SHPRH: variants seen among roughly 807,000 people sequenced by gnomAD.
SHPRH encodes SNF2 histone linker PHD RING helicase, also known as E3 ubiquitin-protein ligase SHPRH.
In SHPRH, 106 loss-of-function variants were observed where a neutral mutation model predicts 202.5. The ratio of observed to expected loss-of-function variants is 0.52; its 90% confidence interval spans 0.45 to 0.62. The LOEUF is 0.62. SHPRH is among the 20% of genes least tolerant of loss of function. SHPRH has a pLI of 0.00. For missense variants in SHPRH, 1,710 were observed against 2,020.0 expected (o/e 0.85, Z 2.94); for synonymous variants, 729 against 686.0 (o/e 1.06, Z -0.98).
intron 2 of SHPRH, among the ~76,000 whole-genome samples, chr6:145,878,444 T>C (rs1780402051): frequency 6.6e-6 from 1 of 152,224 alleles, no homozygotes; most frequent in South Asian, 2.1e-4. Flanking sequence ...CCGTTTTGTT[T>C]ATTCATTCCT....
At chr6:145,956,244 A>C (rs1788498531) in intron 1 of SHPRH, among the ~76,000 whole-genome samples, 1 of 152,154 alleles carries the variant, frequency 6.6e-6, no homozygotes, top group Non-Finnish European at 1.5e-5. Context: ...GGATACAAAA[A>C]ACTTTTTGAA....
rs756714086 is a variant in SHPRH at position 145,888,120 on chromosome 6, T to C, written c.4875-20A>G. On this transcript the variant is annotated intron_variant, in intron 28 of 29. Transcript: ENST00000275233. Reference sequence around the variant, plus strand: ...GTAGGTCTAAAAGGTACAGAAGAATTTTAAGCTTAAAAACATAGTAAAACA... The same window carrying C: ...GTAGGTCTAAAAGGTACAGAAGAATCTTAAGCTTAAAAACATAGTAAAACA... The C allele has an allele frequency of 1.3e-6, 2 of 1,559,858 alleles. No homozygotes were observed. Among genetic ancestry groups the C allele is most frequent in the Non-Finnish European group, 1.8e-6 (2 of 1,134,376 alleles).
At chr6:145,933,443 AC>A (rs1785690254) in intron 13 of SHPRH, among the ~76,000 whole-genome samples, 1 of 152,190 alleles carries the variant, frequency 6.6e-6, no homozygotes, top group African/African-American at 2.4e-5. Flanking sequence ...GTACAGCATG[AC>A]ATATTTGAAA....
chr6:145,913,784 G>A (rs1455228092), intron 23 of SHPRH, among the ~76,000 whole-genome samples: 1 of 152,038 alleles, frequency 6.6e-6, no homozygotes, highest in Non-Finnish European at 1.5e-5. Context: ...TAATCACACA[G>A]GTTGAATATC....
intron 2 of SHPRH, among the ~76,000 whole-genome samples, chr6:145,953,406 G>A (rs865821010): frequency 1.3e-5 from 2 of 152,062 alleles, no homozygotes; most frequent in African/African-American, 4.8e-5. Flanking sequence ...TGTAGGGAAC[G>A]TAGATAGAAC....
At chr6:145,873,176 TTAAAA>T (rs1407421011) in intron 2 of SHPRH, among the ~76,000 whole-genome samples, 1 of 151,966 alleles carries the variant, frequency 6.6e-6, no homozygotes, top group East Asian at 1.9e-4. Context: ...ATCCCTGAAC[TTAAAA>T]TAAAAGTTGG....
At chr6:145,873,339 G>T (rs1780141659) in intron 2 of SHPRH, among the ~76,000 whole-genome samples, 4 of 152,052 alleles carry the variant, frequency 2.6e-5, no homozygotes. Flanking sequence ...AAGGTACTAG[G>T]ATGACTCTAG....
In SHPRH at chr6:145,875,652, C is replaced by A. The variant is rs1038358775; in HGVS notation, c.222-11161G>T. On this transcript the variant is annotated intron_variant, in intron 2 of 2. Coordinates refer to the SHPRH transcript ENST00000417762. The stretch of plus-strand genomic sequence containing the variant: ...CAAGTGTGCCAGATTAGACCTTCAC[C>A]CAAGAACGTCATGAGGGTTAATGAG... 2.6e-5 allele frequency among the ~76,000 whole-genome samples: 4 copies of A among 152,182 alleles called. No homozygotes were observed. In the South Asian group the frequency reaches 6.2e-4, roughly 24 times the overall value.
chr6:145,870,702 AAG>A (rs1780021303), intron 2 of SHPRH, among the ~76,000 whole-genome samples: 1 of 152,174 alleles, frequency 6.6e-6, no homozygotes, highest in African/African-American at 2.4e-5. Flanking sequence ...AAGGACTGGT[AAG>A]AGGGAGTATC....
At chr6:145,860,479 T>C (rs1175471934), downstream of SHPRH, among the ~76,000 whole-genome samples, 2 of 151,854 alleles carry the variant, frequency 1.3e-5, no homozygotes, top group Admixed American at 6.6e-5. Flanking sequence ...CTACAAAACA[T>C]TGATGAAATA....
chr6:145,933,774 T>G (rs1258856050), intron 13 of SHPRH, among the ~76,000 whole-genome samples: 2 of 152,208 alleles, frequency 1.3e-5, no homozygotes, highest in African/African-American at 4.8e-5. Context: ...TGAATCCTCT[T>G]TCTATCTCTT....
intron 3 of SHPRH, 39 bp from the exon 4 acceptor site, chr6:145,950,521 GT>G (rs766077542): frequency 1.9e-6 from 3 of 1,584,430 alleles, no homozygotes; most frequent in African/African-American, 1.3e-5. Flanking sequence ...AAACTGATAG[GT>G]TTTTTCTAAC....
chr6:145,928,516 G>T (rs1785107876), intron 14 of SHPRH, among the ~76,000 whole-genome samples: 1 of 151,684 alleles, frequency 6.6e-6, no homozygotes, highest in South Asian at 2.1e-4. Flanking sequence ...TTAGGACCAT[G>T]TTCATAGTTA....
At chr6:145,940,643 G>A (rs1786668817) in intron 11 of SHPRH, 80 bp downstream of exon 11, 1 of 1,381,774 alleles carries the variant, frequency 7.2e-7, no homozygotes, top group South Asian at 1.2e-5. Flanking sequence ...CTGCAGCAAA[G>A]GTTAAGCATA....
intron 7 of SHPRH, among the ~76,000 whole-genome samples, 194 bp downstream of exon 7, chr6:145,946,039 G>T (rs2128788944): frequency 6.6e-6 from 1 of 151,940 alleles, no homozygotes; most frequent in African/African-American, 2.4e-5. Context: ...GAACTACCTG[G>T]GCCAAGTCAA....
chr6:145,889,347 T>C (rs910814069), intron 28 of SHPRH, among the ~76,000 whole-genome samples: 1 of 152,058 alleles, frequency 6.6e-6, no homozygotes, highest in African/African-American at 2.4e-5. Context: ...GAATGGGGGA[T>C]AAAAAAGTAG....
At chr6:145,889,738 T>C (rs1028249882) in intron 28 of SHPRH, among the ~76,000 whole-genome samples, 1 of 152,174 alleles carries the variant, frequency 6.6e-6, no homozygotes, top group Non-Finnish European at 1.5e-5. Context: ...GGCAAAACAC[T>C]TGAAGCATTT....
Position 145,894,888 on chromosome 6 carries a change from T to C in SHPRH, c.4605A>G (p.Ser1535=). ...RDPGAKALVF[S]TWQDVLDIIS... ...AGGATGAAAATGTTGATTATACCGT[T>C]GAGAAAACGAGTGCTTTGGCCCCTG... Residue 1535 remains serine, a synonymous_variant, in exon 26 of 30, where the codon TCA becomes TCG. Coordinates refer to ENST00000275233, the MANE Select transcript of SHPRH (RefSeq NM_001042683.3). 1.2e-6 allele frequency: 2 copies of C among 1,612,494 alleles called. No individual in the cohort carries two copies. Among genetic ancestry groups the C allele is most frequent in the Non-Finnish European group, 1.7e-6 (2 of 1,178,968 alleles).
intron 2 of SHPRH, among the ~76,000 whole-genome samples, chr6:145,876,249 T>C (rs1780295368): frequency 6.9e-6 from 1 of 144,356 alleles, no homozygotes. Context: ...GGTGTACACC[T>C]GTAGTCCCAG....
Sources: gnomAD v4.1 joint callset for allele counts (sites outside exome capture counted in the v4.1 genomes callset) on GRCh38, gnomAD v4.1.1 for gene constraint, MANE v1.5 for transcripts, NCBI Gene and HGNC (gene_info 2026-07-23, HGNC 2026-07-21) for gene names.